Variants in GFRA1 observed in about 807,000 individuals in gnomAD.
GFRA1 encodes GDNF family receptor alpha 1.
Under a neutral mutation model 51.6 loss-of-function variants are expected in GFRA1, and 16 were observed. The ratio of observed to expected loss-of-function variants is 0.31; its 90% CI spans 0.21 to 0.47. The LOEUF is 0.47. GFRA1 is among the 20% of genes least tolerant of loss of function. GFRA1 has a pLI of 1.00. For synonymous variants in GFRA1, 270 were observed against 241.3 expected (o/e 1.12, Z -1.10); for missense variants, 530 against 594.3 (o/e 0.89, Z 1.13).
At chr10:116,123,352 G>A (rs773406343) in intron 6 of GFRA1, among the ~76,000 whole-genome samples, 5 of 152,168 alleles carry the variant, frequency 3.3e-5, no homozygotes, top group Non-Finnish European at 7.4e-5. Flanking sequence ...TTCATAAGAC[G>A]CTTGGTCATC....
At chr10:116,104,833 C>G (rs1956948584) in intron 6 of GFRA1, among the ~76,000 whole-genome samples, 1 of 152,172 alleles carries the variant, frequency 6.6e-6, no homozygotes, top group Non-Finnish European at 1.5e-5. Flanking sequence ...GCAAGAAAAT[C>G]CATTCCAACT....
At chr10:116,152,056 C>T (rs1333888592) in intron 5 of GFRA1, among the ~76,000 whole-genome samples, 4 of 152,018 alleles carry the variant, frequency 2.6e-5, no homozygotes, top group South Asian at 4.1e-4. Flanking sequence ...TGGAGCATAG[C>T]GTGTGAGTGG....
At chr10:116,251,289 A>G (rs1968334571) in intron 4 of GFRA1, among the ~76,000 whole-genome samples, 1 of 152,238 alleles carries the variant, frequency 6.6e-6, no homozygotes, top group Non-Finnish European at 1.5e-5. Context: ...GGAAGAAGTC[A>G]TCCAAAGAAT....
Position 116,125,436 on chromosome 10 carries a change from A to G in GFRA1, c.555T>C (p.Asp185=), listed in dbSNP as rs766760947. ...ITPCTTSVSN[D]VCNRRKCHKA... ...TGTGGCACTTGCGGCGGTTGCAGAC[A>G]TCGTTGGACACGCTGGTGGTGCACG... Residue 185 remains aspartate (D), a synonymous_variant, in exon 6 of 11, where the codon GAT becomes GAC. Coordinates refer to ENST00000355422, the MANE Select transcript of GFRA1 (RefSeq NM_005264.8). 4.3e-6 allele frequency: 7 copies of G among 1,614,026 alleles called. No individual in the cohort carries two copies. Among genetic ancestry groups the G allele is most frequent in the Non-Finnish European group, 5.1e-6 (6 of 1,179,990 alleles).
intron 5 of GFRA1, among the ~76,000 whole-genome samples, chr10:116,154,758 T>A (rs747648714): frequency 6.6e-6 from 1 of 152,230 alleles, no homozygotes; most frequent in African/African-American, 2.4e-5. Flanking sequence ...AAGCCCTTAT[T>A]GAGCACCTAC....
chr10:116,253,291 A>T (rs951359537), intron 4 of GFRA1, among the ~76,000 whole-genome samples: 1 of 152,260 alleles, frequency 6.6e-6, no homozygotes, highest in Non-Finnish European at 1.5e-5. Flanking sequence ...GAGTCCAGTC[A>T]GCCAGGGCAG....
intron 5 of GFRA1, among the ~76,000 whole-genome samples, chr10:116,161,463 C>T (rs932640988): frequency 3.9e-5 from 6 of 152,178 alleles, no homozygotes; most frequent in Admixed American, 6.5e-5. Flanking sequence ...AGGAAGTTGA[C>T]GCCAACTTTG....
At position 116,267,258 on chromosome 10, in the gene GFRA1, TG is replaced by T. The variant is rs200869693; in HGVS notation, c.418+2244del. Among the ~76,000 whole-genome samples the T allele has an allele frequency of 5.0e-3, 768 of 152,152 alleles. 5 individuals carry two copies. The highest frequency in any genetic ancestry group is 0.018 in the African/African-American group (729 of 41,504). Reference sequence around the variant, plus strand: ...GGCAGGCGGATCTCTTGAGATCAGGTGTTCAAGACCAGCCTGGCCAACATGG... The same window carrying T: ...GGCAGGCGGATCTCTTGAGATCAGGTTTCAAGACCAGCCTGGCCAACATGG... On this transcript the variant is annotated intron_variant, in intron 4 of 10. Coordinates refer to ENST00000355422, the MANE Select transcript of GFRA1 (RefSeq NM_005264.8).
intron 6 of GFRA1, among the ~76,000 whole-genome samples, chr10:116,104,106 A>G (rs1956918946): frequency 6.6e-6 from 1 of 152,224 alleles, no homozygotes; most frequent in Non-Finnish European, 1.5e-5. Flanking sequence ...TCTTGCATTC[A>G]TCAGCCCCTT....
intron 4 of GFRA1, among the ~76,000 whole-genome samples, chr10:116,265,386 C>CA (rs1462026312): frequency 6.6e-6 from 1 of 152,196 alleles, no homozygotes; most frequent in Admixed American, 6.5e-5. Flanking sequence ...GACTTCTCTA[C>CA]AAAAATCCAG....
At chr10:116,231,185 G>A (rs901679668) in intron 4 of GFRA1, among the ~76,000 whole-genome samples, 3 of 152,188 alleles carry the variant, frequency 2.0e-5, no homozygotes, top group Non-Finnish European at 4.4e-5. Flanking sequence ...GGATTGGCAG[G>A]GGCAGATGGG....
chr10:116,270,766 G>C, intron 3 of GFRA1, 56 bp downstream of exon 3: 1 of 1,488,722 alleles, frequency 6.7e-7, no homozygotes, highest in South Asian at 1.2e-5. Context: ...AGGGACGAAA[G>C]GCCCGCCTGC....
chr10:116,271,128 G>T lies in GFRA1; in HGVS notation c.41-13C>A, dbSNP rs925619205. The T allele has an allele frequency of 3.1e-6, 5 of 1,595,008 alleles. No homozygotes were observed. The highest frequency in any genetic ancestry group is 4.3e-6 in the Non-Finnish European group (5 of 1,166,046). On this transcript the variant is annotated splice_polypyrimidine_tract_variant and intron_variant, in intron 2 of 10. Transcript: ENST00000355422. ...GACAGGAGCAAGTCTGCGGGGCAGA[G>T]GGGAGGGAGCCTGAGTGCGGCGGGC...
intron 5 of GFRA1, among the ~76,000 whole-genome samples, chr10:116,205,595 A>C (rs1964676894): frequency 3.5e-5 from 1 of 28,460 alleles, no homozygotes; most frequent in Admixed American, 4.3e-4. Context: ...GAAAAAAAAA[A>C]GATATATATA....
chr10:116,178,924 G>A (rs1229375849), intron 5 of GFRA1, among the ~76,000 whole-genome samples: 1 of 152,200 alleles, frequency 6.6e-6, no homozygotes, highest in Admixed American at 6.5e-5. Context: ...ACTCTGTCCT[G>A]TGGTGGAGAG....
At chr10:116,172,805 G>A (rs940522939) in intron 5 of GFRA1, among the ~76,000 whole-genome samples, 17 of 152,154 alleles carry the variant, frequency 1.1e-4, no homozygotes, top group African/African-American at 3.9e-4. Flanking sequence ...GGGTGCCCAC[G>A]CCCCAGCACC....
At chr10:116,233,679 C>G (rs1323454868) in intron 4 of GFRA1, among the ~76,000 whole-genome samples, 2 of 152,194 alleles carry the variant, frequency 1.3e-5, no homozygotes, top group Non-Finnish European at 2.9e-5. Context: ...TGTGACTCAT[C>G]AGGTGCTCCC....
chr10:116,266,559 C>T (rs187282925), intron 4 of GFRA1, among the ~76,000 whole-genome samples: 1 of 152,340 alleles, frequency 6.6e-6, no homozygotes, highest in East Asian at 1.9e-4. Context: ...GAACCTAAAG[C>T]CAATGCCCTT....
intron 4 of GFRA1, among the ~76,000 whole-genome samples, chr10:116,267,840 C>T (rs1370219254): frequency 6.6e-6 from 1 of 152,120 alleles, no homozygotes; most frequent in Non-Finnish European, 1.5e-5. Flanking sequence ...CTAGAAGTGA[C>T]ATGGAGTGGA....
Sources: allele counts gnomAD v4.1 joint callset (sites outside exome capture counted in the v4.1 genomes callset), GRCh38; gene constraint gnomAD v4.1.1; transcripts MANE v1.5; gene names NCBI Gene and HGNC (gene_info 2026-07-23, HGNC 2026-07-21).